Variants in CCSER1 observed in about 807,000 individuals in gnomAD.
The protein encoded by CCSER1 is coiled-coil serine rich protein 1, also known as serine-rich coiled-coil domain-containing protein 1.
In CCSER1, 41 loss-of-function variants were observed where a neutral mutation model predicts 82.0. The ratio of observed to expected loss-of-function variants is 0.50; its 90% CI spans 0.39 to 0.65. The LOEUF (loss-of-function observed/expected upper bound fraction) is 0.65, where lower values mean the gene tolerates loss of function less well. Ranked by LOEUF, CCSER1 falls within the 30% of genes least tolerant of loss-of-function variation. CCSER1 has a pLI of 0.00. For missense variants in CCSER1, 1,119 were observed against 1,064.2 expected (o/e 1.05, Z -0.72); for synonymous variants, 414 against 383.9 (o/e 1.08, Z -0.92).
intron 1 of CCSER1, among the ~76,000 whole-genome samples, chr4:90,137,415 G>T (rs556344265): frequency 1.3e-5 from 2 of 152,054 alleles, no homozygotes; most frequent in Admixed American, 6.6e-5. Context: ...GTTGATTATC[G>T]GGACAATATA....
intron 10 of CCSER1, among the ~76,000 whole-genome samples, chr4:91,446,434 T>C (rs2149413558): frequency 6.6e-6 from 1 of 151,950 alleles, no homozygotes; most frequent in East Asian, 1.9e-4. Context: ...CTAGAAATAC[T>C]ATACTGTTTT....
chr4:90,296,974 G>A (rs186614415), intron 1 of CCSER1, among the ~76,000 whole-genome samples: 6,439 of 152,120 alleles, frequency 0.042, 204 homozygotes, highest in Non-Finnish European at 0.063. Flanking sequence ...TTGGCAATGT[G>A]GGCTCTTTTT....
chr4:91,586,423 G>C (rs1025290897), intron 10 of CCSER1, among the ~76,000 whole-genome samples: 2 of 151,638 alleles, frequency 1.3e-5, no homozygotes, highest in Non-Finnish European at 3.0e-5. Flanking sequence ...CAAGCGTTTA[G>C]TTGGAAAAGT....
intron 9 of CCSER1, among the ~76,000 whole-genome samples, chr4:90,993,134 A>G (rs1368778814): frequency 2.0e-5 from 3 of 152,094 alleles, no homozygotes; most frequent in East Asian, 1.9e-4. Flanking sequence ...CTCTCTGTCT[A>G]TCCTAAAATG....
chr4:90,744,629 A>G (rs1747105154), intron 7 of CCSER1, among the ~76,000 whole-genome samples: 1 of 152,204 alleles, frequency 6.6e-6, no homozygotes, highest in African/African-American at 2.4e-5. Context: ...ACAGACCAAT[A>G]GGAACCAGTC....
intron 5 of CCSER1, among the ~76,000 whole-genome samples, chr4:90,569,023 A>AT (rs1306629554): frequency 1.4e-5 from 2 of 146,662 alleles, no homozygotes; most frequent in Admixed American, 1.3e-4. Context: ...AAGTGCTGGG[A>AT]TTACAGGCAT....
intron 6 of CCSER1, among the ~76,000 whole-genome samples, chr4:90,696,749 T>C (rs1369574194): frequency 6.6e-6 from 1 of 152,052 alleles, no homozygotes; most frequent in African/African-American, 2.4e-5. Flanking sequence ...CCTTTAAGAG[T>C]GGGTTCTATT....
intron 9 of CCSER1, among the ~76,000 whole-genome samples, chr4:91,066,783 A>G (rs143332068): frequency 2.1e-3 from 325 of 152,212 alleles, no homozygotes; most frequent in Non-Finnish European, 3.6e-3. Flanking sequence ...CTAACATTCT[A>G]TGTCTTTATA....
At chr4:90,848,404 G>A (rs1476034860) in intron 8 of CCSER1, among the ~76,000 whole-genome samples, 2 of 152,136 alleles carry the variant, frequency 1.3e-5, no homozygotes, top group African/African-American at 2.4e-5. Flanking sequence ...AGATATAAAA[G>A]GGTAGTATAA....
Position 91,468,752 on chromosome 4 carries a change from A to G in CCSER1, c.2218-129820A>G, listed in dbSNP as rs529419848. Among the ~76,000 whole-genome samples the G allele has an allele frequency of 2.0e-5, 3 of 152,100 alleles. No individual in the cohort carries two copies. In the South Asian group the frequency reaches 6.2e-4, roughly 32 times the overall value. ...ATAGATTTGATCCTATAACTGAAAAAGAATTAATCAGTTTACTTGGGAGAG... is the reference window on the plus strand; with the variant it reads ...ATAGATTTGATCCTATAACTGAAAAGGAATTAATCAGTTTACTTGGGAGAG... On this transcript the variant is annotated intron_variant, in intron 10 of 10. Coordinates refer to ENST00000509176, the MANE Select transcript of CCSER1 (RefSeq NM_001145065.2).
intron 9 of CCSER1, among the ~76,000 whole-genome samples, chr4:91,071,405 T>A (rs1460364209): frequency 6.6e-6 from 1 of 152,160 alleles, no homozygotes; most frequent in African/African-American, 2.4e-5. Context: ...AAAGACTTGA[T>A]AAGCCATGGG....
intron 10 of CCSER1, among the ~76,000 whole-genome samples, chr4:91,587,592 C>T (rs1201869401): frequency 1.3e-5 from 2 of 151,804 alleles, no homozygotes; most frequent in Admixed American, 6.6e-5. Flanking sequence ...ATTCCGTAAA[C>T]GTAACAGATA....
At chr4:90,744,502 C>G (rs1410387999) in intron 7 of CCSER1, among the ~76,000 whole-genome samples, 1 of 152,154 alleles carries the variant, frequency 6.6e-6, no homozygotes, top group Non-Finnish European at 1.5e-5. Context: ...ATATAATACA[C>G]TATTGTTGGA....
At chr4:90,416,532 A>G (rs1755817892) in intron 4 of CCSER1, among the ~76,000 whole-genome samples, 1 of 152,192 alleles carries the variant, frequency 6.6e-6, no homozygotes, top group African/African-American at 2.4e-5. Context: ...AATCCTATCT[A>G]AATGAGTGAC....
rs148527346 is a variant in CCSER1, at chr4:91,012,922, A to G, written c.2173-73028A>G. 8.6e-3 allele frequency among the ~76,000 whole-genome samples: 1,157 copies of G among 133,840 alleles called. 245 individuals carry two copies. The highest frequency in any genetic ancestry group is 0.043 in the South Asian group (174 of 4,092). 87.8% of individuals were successfully genotyped at this position (133,840 alleles called of 152,430 possible). A position where few individuals can be genotyped will look rare whatever the true frequency, so the allele number is the denominator to read the frequency against. ...GTCCTCTTGCTTACCATTTCCCCAC[A>G]AGAAGAAGTTCCTTCTGGTTCCAAA... On this transcript the variant is annotated intron_variant, in intron 9 of 10. Transcript: ENST00000509176.
chr4:90,534,321 G>T (rs536445881), intron 5 of CCSER1, among the ~76,000 whole-genome samples: 3 of 152,104 alleles, frequency 2.0e-5, no homozygotes, highest in Admixed American at 6.5e-5. Context: ...AGTAGAGACG[G>T]GGTTTCACCA....
At chr4:91,022,541 G>A (rs1203182630) in intron 9 of CCSER1, among the ~76,000 whole-genome samples, 1 of 152,090 alleles carries the variant, frequency 6.6e-6, no homozygotes, top group Non-Finnish European at 1.5e-5. Context: ...GGGATTGCTA[G>A]GTCAAATGGT....
intron 1 of CCSER1, among the ~76,000 whole-genome samples, chr4:90,153,712 C>T (rs1042401271): frequency 2.0e-5 from 3 of 152,186 alleles, no homozygotes; most frequent in South Asian, 2.1e-4. Flanking sequence ...TCATATCCTT[C>T]ACCCACTTTT....
rs1764894586 is a variant in CCSER1, at chr4:91,604,012, G to T, written c.*4955G>T. ...GTTAGGGCTTCAACATATGAATTTG[G>T]GGGGGGATATAAAAATTTAGTTTAT... is the stretch of plus-strand genomic sequence containing the variant. On this transcript the variant is annotated 3_prime_UTR_variant, in exon 11 of 11. Transcript: ENST00000509176. 6.6e-6 allele frequency: 1 copy of T among 151,654 alleles called. No individual in the cohort carries two copies. The highest frequency in any genetic ancestry group is 6.6e-5 in the Admixed American group (1 of 15,140). 9.4% of individuals were successfully genotyped at this position (151,654 alleles called of 1,614,324 possible).
Sources: allele counts gnomAD v4.1 joint callset (sites outside exome capture counted in the v4.1 genomes callset), GRCh38; gene constraint gnomAD v4.1.1; transcripts MANE v1.5; gene names NCBI Gene and HGNC (gene_info 2026-07-23, HGNC 2026-07-21).